Variants in SNX29 observed in about 807,000 individuals in gnomAD.
SNX29 encodes sorting nexin-29.
A neutral mutation model predicts 102.1 loss-of-function variants in SNX29; 78 were observed. That is an observed-to-expected ratio of 0.76 (90% CI 0.64 to 0.92). SNX29 has a LOEUF of 0.92. Ranked by LOEUF, SNX29 falls within the 40% of genes least tolerant of loss-of-function variation. SNX29 has a pLI of 0.00. For synonymous variants in SNX29, 580 were observed against 414.5 expected (o/e 1.40, Z -4.85); for missense variants, 1,280 against 1,061.7 (o/e 1.21, Z -2.86).
intron 20 of SNX29, among the ~76,000 whole-genome samples, chr16:12,548,099 C>T (rs981346167): frequency 2.0e-5 from 3 of 152,204 alleles, no homozygotes; most frequent in Non-Finnish European, 4.4e-5. Context: ...TGCTAAGGGA[C>T]ATTGAGGTCT....
intron 8 of SNX29, among the ~76,000 whole-genome samples, chr16:12,058,235 T>G (rs79588888): frequency 0.019 from 2,834 of 152,262 alleles, 96 homozygotes; most frequent in African/African-American, 0.064. Context: ...TGTGGGAAAC[T>G]GAGTCTGACA....
intron 18 of SNX29, among the ~76,000 whole-genome samples, chr16:12,444,263 AAGCACTCAGTATAGCACCTAGCATGTAG>A (rs1388711939): frequency 4.8e-5 from 1 of 20,996 alleles, no homozygotes; most frequent in East Asian, 8.2e-4. Flanking sequence ...AGCACGTAGT[AAGCACTCAGTATAGCACCTAGCATGTAG>A]TAAGCACTCA....
chr16:12,532,656 G>C (rs1051855967), intron 20 of SNX29, among the ~76,000 whole-genome samples: 1 of 152,312 alleles, frequency 6.6e-6, no homozygotes, highest in African/African-American at 2.4e-5. Flanking sequence ...CGTGGAATTG[G>C]CTGACATATG....
intron 19 of SNX29, among the ~76,000 whole-genome samples, chr16:12,520,348 C>T (rs1456177604): frequency 6.6e-6 from 1 of 152,170 alleles, no homozygotes; most frequent in Non-Finnish European, 1.5e-5. Context: ...GTAGAGGAAC[C>T]CATGGGCTTT....
chr16:12,494,990 C>T (rs1241874002), intron 19 of SNX29, among the ~76,000 whole-genome samples: 1 of 152,144 alleles, frequency 6.6e-6, no homozygotes, highest in Non-Finnish European at 1.5e-5. Flanking sequence ...TCGTCAGTAT[C>T]CCTGGGGCCG....
intron 20 of SNX29, among the ~76,000 whole-genome samples, chr16:12,546,965 C>A (rs139684838): frequency 1.3e-5 from 2 of 152,116 alleles, no homozygotes; most frequent in African/African-American, 2.4e-5. Flanking sequence ...CCTCCATCCA[C>A]CCATTCCTCC....
At chr16:12,060,695 T>C in intron 8 of SNX29, 1 of 447,866 alleles carries the variant, frequency 2.2e-6, no homozygotes, top group Middle Eastern at 3.3e-4. Flanking sequence ...GGGGGACGGC[T>C]ATACTGCAAA....
intron 20 of SNX29, among the ~76,000 whole-genome samples, chr16:12,561,729 C>A (rs12925945): frequency 6.6e-6 from 1 of 151,970 alleles, no homozygotes; most frequent in Non-Finnish European, 1.5e-5. Flanking sequence ...TTGCTAGCAG[C>A]AGGGAGGATG....
intron 1 of SNX29, among the ~76,000 whole-genome samples, chr16:11,993,889 G>C (rs1307703827): frequency 2.0e-5 from 3 of 152,232 alleles, no homozygotes; most frequent in Non-Finnish European, 2.9e-5. Flanking sequence ...GGAAGGCCAA[G>C]GCAGGCAGAT....
At chr16:12,539,172 G>C (rs759079333) in intron 20 of SNX29, among the ~76,000 whole-genome samples, 3 of 152,154 alleles carry the variant, frequency 2.0e-5, no homozygotes, top group Non-Finnish European at 4.4e-5. Flanking sequence ...TCATGTCTGT[G>C]AATTTAAACA....
At chr16:12,247,725 C>T (rs1363359460) in intron 14 of SNX29, among the ~76,000 whole-genome samples, 1 of 152,192 alleles carries the variant, frequency 6.6e-6, no homozygotes, top group East Asian at 1.9e-4. Context: ...CAGCGGCCTC[C>T]AGACTAGTTT....
rs564541170 is a variant in SNX29, at chr16:12,306,754, G to A, written c.1782+28718G>A. ...TCCCCAGCACTTTAGAAATTCTTCA[G>A]AAAAGTTACTAGGGATCCGATAGCA... On this transcript the variant is annotated intron_variant, in intron 15 of 20. Coordinates refer to ENST00000566228, the MANE Select transcript of SNX29 (RefSeq NM_032167.5). Among the ~76,000 whole-genome samples, 6 of 152,346 alleles carry A rather than the reference G, an allele frequency of 3.9e-5. No individual in the cohort carries two copies. In the South Asian group the frequency reaches 1.2e-3, roughly 32 times the overall value.
chr16:12,552,070 G>A (rs543362540), intron 20 of SNX29, among the ~76,000 whole-genome samples: 1 of 151,948 alleles, frequency 6.6e-6, no homozygotes, highest in Non-Finnish European at 1.5e-5. Flanking sequence ...CTGAATCTCT[G>A]TCTCAATCAC....
chr16:12,289,824 A>G (rs1188071123), intron 15 of SNX29, among the ~76,000 whole-genome samples: 1 of 151,940 alleles, frequency 6.6e-6, no homozygotes, highest in Non-Finnish European at 1.5e-5. Context: ...CTGGGTCCCC[A>G]GAAGGAGTCG....
chr16:12,427,883 C>T (rs1484476865), intron 18 of SNX29, among the ~76,000 whole-genome samples: 1 of 152,242 alleles, frequency 6.6e-6, no homozygotes, highest in Non-Finnish European at 1.5e-5. Context: ...GTTCCCAGAG[C>T]AGTTGCTAAA....
intron 20 of SNX29, among the ~76,000 whole-genome samples, chr16:12,555,285 A>G (rs1271643258): frequency 6.6e-6 from 1 of 151,488 alleles, no homozygotes; most frequent in African/African-American, 2.4e-5. Flanking sequence ...CCCAGAGAGC[A>G]GGGGTGCTGT....
At chr16:12,114,619 C>G (rs1596939377) in intron 11 of SNX29, among the ~76,000 whole-genome samples, 2 of 150,092 alleles carry the variant, frequency 1.3e-5, no homozygotes, top group South Asian at 2.1e-4. Context: ...CGGAGTTTTG[C>G]TCTGCTGCCT....
In SNX29 at chr16:12,429,638, C is replaced by T. The variant is rs147171132; in HGVS notation, c.2037+26109C>T. On this transcript the variant is annotated intron_variant, in intron 18 of 20. Transcript: ENST00000566228. ...TCTACACTTTACACCAAAACCATCT[C>T]TTGCGGTGCACAGTGTTCCACCATC... Among the ~76,000 whole-genome samples, 20 of 152,368 alleles carry T rather than the reference C, an allele frequency of 1.3e-4. No homozygotes were observed. In the East Asian group the frequency reaches 3.9e-3, roughly 29 times the overall value.
chr16:12,473,464 A>C (rs1328890965), intron 18 of SNX29, among the ~76,000 whole-genome samples: 1 of 152,138 alleles, frequency 6.6e-6, no homozygotes, highest in Non-Finnish European at 1.5e-5. Flanking sequence ...GGTCCCAGCT[A>C]CCCACATTGC....
Sources: gnomAD v4.1 joint callset for allele counts (sites outside exome capture counted in the v4.1 genomes callset) on GRCh38, gnomAD v4.1.1 for gene constraint, MANE v1.5 for transcripts, NCBI Gene and HGNC (gene_info 2026-07-23, HGNC 2026-07-21) for gene names.